The following SOX6 variants were observed in gnomAD, a reference collection of about 807,000 sequenced individuals.
SOX6 encodes SRY-box transcription factor 6.
In SOX6, 11 loss-of-function variants were observed where a neutral mutation model predicts 97.8. That is an observed-to-expected ratio of 0.11 (90% CI 0.07 to 0.19). The LOEUF (loss-of-function observed/expected upper bound fraction) is 0.19, where lower values mean the gene tolerates loss of function less well. Among genes scored for constraint, SOX6 ranks in the 10% least tolerant of loss-of-function variants. The pLI, the probability that SOX6 is intolerant of heterozygous loss-of-function variation, is 1.00. For synonymous variants in SOX6, 360 were observed against 371.4 expected, an observed-to-expected ratio of 0.97 and a Z score of 0.35; for missense variants, 810 against 1,039.5, an observed-to-expected ratio of 0.78 and a Z score of 3.04.
At chr11:16,560,211 G>A (rs1847792983) in intron 4 of SOX6, among the ~76,000 whole-genome samples, 1 of 152,126 alleles carries the variant, frequency 6.6e-6, no homozygotes, top group Non-Finnish European at 1.5e-5. Flanking sequence ...GTTAAAATTG[G>A]AAGCTAGAAT....
chr11:16,519,814 C>T (rs1170464882), intron 4 of SOX6, among the ~76,000 whole-genome samples: 1 of 152,242 alleles, frequency 6.6e-6, no homozygotes, highest in East Asian at 1.9e-4. Context: ...TACATTCCCA[C>T]CAACAGTACA....
At chr11:16,468,308 C>T (rs1328801147) in intron 1 of SOX6, among the ~76,000 whole-genome samples, 6 of 152,016 alleles carry the variant, frequency 3.9e-5, no homozygotes, top group African/African-American at 1.2e-4. Context: ...TGGAGAAAAC[C>T]CTAAACTGAA....
chr11:16,730,535 C>A (rs1160914625), intron 2 of SOX6, among the ~76,000 whole-genome samples: 3 of 152,146 alleles, frequency 2.0e-5, no homozygotes, highest in African/African-American at 4.8e-5. Context: ...TAAATAAGTT[C>A]TTTGAAACCA....
chr11:16,256,358 C>T (rs1364105953), intron 3 of SOX6, among the ~76,000 whole-genome samples: 1 of 151,906 alleles, frequency 6.6e-6, no homozygotes, highest in Non-Finnish European at 1.5e-5. Context: ...ATACCACAAT[C>T]AAGTGGGATT....
intron 3 of SOX6, among the ~76,000 whole-genome samples, chr11:16,279,414 A>G (rs1252784549): frequency 6.6e-6 from 1 of 152,080 alleles, no homozygotes; most frequent in African/African-American, 2.4e-5. Context: ...TTTTTAGACT[A>G]TCTTTTAAAA....
At chr11:16,228,088 C>T (rs1429128189) in intron 4 of SOX6, among the ~76,000 whole-genome samples, 2 of 151,874 alleles carry the variant, frequency 1.3e-5, no homozygotes, top group Admixed American at 6.6e-5. Flanking sequence ...ATCCCAGCTA[C>T]TCAGGAGGCT....
chr11:16,599,852 T>G (rs1590001539), intron 4 of SOX6, among the ~76,000 whole-genome samples: 1 of 152,244 alleles, frequency 6.6e-6, no homozygotes, highest in East Asian at 1.9e-4. Flanking sequence ...TAATAAAATA[T>G]GAGTGATATA....
At chr11:16,723,728 G>A (rs1361019607) in intron 2 of SOX6, among the ~76,000 whole-genome samples, 1 of 152,008 alleles carries the variant, frequency 6.6e-6, no homozygotes, top group East Asian at 1.9e-4. Context: ...AAGTTGCAGT[G>A]AGTCAAGACA....
intron 2 of SOX6, among the ~76,000 whole-genome samples, chr11:16,733,578 G>T (rs1411866337): frequency 6.6e-6 from 1 of 151,636 alleles, no homozygotes; most frequent in African/African-American, 2.4e-5. Flanking sequence ...GGGCCTGTTG[G>T]GGGTGGGGGG....
intron 3 of SOX6, among the ~76,000 whole-genome samples, chr11:16,634,609 A>G (rs979001345): frequency 6.6e-6 from 1 of 152,120 alleles, no homozygotes; most frequent in Non-Finnish European, 1.5e-5. Flanking sequence ...GTGGGTACTG[A>G]TTATTAAGGT....
At position 15,994,450 on chromosome 11, in the gene SOX6, A is replaced by G. The variant is rs201894493; in HGVS notation, c.1733-5220T>C. On this transcript the variant is annotated intron_variant, in intron 13 of 15. Transcript: ENST00000683767. ...TGGGTTTATGTAAAAAAAAAAAAAA[A>G]GGGGAGTATAAGAGATGAAATTAGA... Among the ~76,000 whole-genome samples the G allele has an allele frequency of 1.4e-3, 160 of 114,972 alleles. No homozygotes were observed. In the Middle Eastern group the frequency reaches 0.016, roughly 11 times the overall value. 75.4% of individuals were successfully genotyped at this position (114,972 alleles called of 152,430 possible).
At chr11:16,006,511 A>G (rs1854559238) in intron 13 of SOX6, among the ~76,000 whole-genome samples, 1 of 152,036 alleles carries the variant, frequency 6.6e-6, no homozygotes, top group Admixed American at 6.6e-5. Flanking sequence ...GAGCTTTCCT[A>G]TGAAGGTCTA....
chr11:16,104,104 TA>T (rs1010971550), intron 7 of SOX6, among the ~76,000 whole-genome samples: 3 of 151,958 alleles, frequency 2.0e-5, no homozygotes, highest in African/African-American at 7.2e-5. Flanking sequence ...TATAGACCTT[TA>T]AAAAACTAGG....
intron 4 of SOX6, among the ~76,000 whole-genome samples, chr11:16,553,579 ATT>A (rs61469318): frequency 2.8e-5 from 4 of 143,396 alleles, no homozygotes; most frequent in Non-Finnish European, 1.5e-5. Flanking sequence ...GATTTTGGCC[ATT>A]TTTTTTTTTT....
intron 1 of SOX6, among the ~76,000 whole-genome samples, chr11:16,438,401 G>T (rs190073249): frequency 6.6e-6 from 1 of 151,988 alleles, no homozygotes; most frequent in Non-Finnish European, 1.5e-5. Flanking sequence ...TATTTTGCTG[G>T]ACACACTGAT....
chr11:16,633,676 C>T (rs1406453084), intron 3 of SOX6, among the ~76,000 whole-genome samples: 1 of 151,868 alleles, frequency 6.6e-6, no homozygotes, highest in Non-Finnish European at 1.5e-5. Context: ...GGGAAAGAGT[C>T]AAGGTAATCA....
intron 12 of SOX6, among the ~76,000 whole-genome samples, chr11:16,024,678 C>T (rs897438938): frequency 6.6e-6 from 1 of 151,880 alleles, no homozygotes; most frequent in South Asian, 2.1e-4. Flanking sequence ...TGCCACTGGA[C>T]CATAAGCATT....
Position 16,628,294 on chromosome 11 carries a change from T to C in SOX6, n.430-16034A>G, listed in dbSNP as rs557252026. 6.6e-5 allele frequency among the ~76,000 whole-genome samples: 10 copies of C among 152,300 alleles called. No homozygotes were observed. In the East Asian group the frequency reaches 1.2e-3, roughly 18 times the overall value. ...CTACTTGGGCTCTTTTCTGGTTCCATATGAACTTTAAAATAGTCTTTTCTA... is the reference window on the plus strand; with the variant it reads ...CTACTTGGGCTCTTTTCTGGTTCCACATGAACTTTAAAATAGTCTTTTCTA... On this transcript the variant is annotated intron_variant and non_coding_transcript_variant, in intron 3 of 5. Coordinates refer to the SOX6 transcript ENST00000524520.
At position 15,971,195 on chromosome 11, in the gene SOX6, C is replaced by T. The variant is rs1853295331; in HGVS notation, c.*1614G>A. On this transcript the variant is annotated 3_prime_UTR_variant, in exon 16 of 16. Transcript: ENST00000683767. ...CATCCCATATAGGGAATGTATTCCC[C>T]TCCTTCTCCTCCCTTACAGTTTTCT... 1 of 152,694 alleles carries T rather than the reference C, an allele frequency of 6.5e-6. No homozygotes were observed. Among genetic ancestry groups the T allele is most frequent in the Non-Finnish European group, 1.5e-5 (1 of 68,064 alleles). 9.5% of individuals were successfully genotyped at this position (152,694 alleles called of 1,614,324 possible).
Sources: allele counts gnomAD v4.1 joint callset (sites outside exome capture counted in the v4.1 genomes callset), GRCh38; gene constraint gnomAD v4.1.1; transcripts MANE v1.5; gene names NCBI Gene and HGNC (gene_info 2026-07-23, HGNC 2026-07-21).